PDE10A: variants seen among roughly 807,000 people sequenced by gnomAD.
PDE10A encodes phosphodiesterase 10A, also known as cAMP and cAMP-inhibited cGMP 3',5'-cyclic phosphodiesterase 10A.
A neutral mutation model predicts 97.7 loss-of-function variants in PDE10A; 39 were observed. The ratio of observed to expected loss-of-function variants is 0.40; its 90% confidence interval spans 0.31 to 0.52. PDE10A has a LOEUF of 0.52. Among genes scored for constraint, PDE10A ranks in the 20% least tolerant of loss-of-function variants. The probability of loss-of-function intolerance (pLI) is 0.56; values close to 1 mark genes in which losing one functional copy is unlikely to be tolerated. For missense variants in PDE10A, 731 were observed against 1,047.8 expected, an observed-to-expected ratio of 0.70 and a Z score of 4.17; for synonymous variants, 371 against 376.8, an observed-to-expected ratio of 0.98 and a Z score of 0.18.
At chr6:165,703,178 A>G (rs965262035) in intron 1 of PDE10A, among the ~76,000 whole-genome samples, 1 of 152,186 alleles carries the variant, frequency 6.6e-6, no homozygotes, top group Non-Finnish European at 1.5e-5. Flanking sequence ...ACAAATTGGT[A>G]ACAACTTTGT....
chr6:165,482,953 T>A (rs565045293), intron 2 of PDE10A, among the ~76,000 whole-genome samples: 3 of 152,136 alleles, frequency 2.0e-5, no homozygotes, highest in Non-Finnish European at 4.4e-5. Context: ...TAGGTGAGAA[T>A]CCCTGGAAGG....
chr6:165,821,231 G>A (rs1054488994), intron 1 of PDE10A, among the ~76,000 whole-genome samples: 4 of 152,170 alleles, frequency 2.6e-5, no homozygotes, highest in Non-Finnish European at 5.9e-5. Context: ...CAGAACTCCG[G>A]CTGATAGTGC....
At chr6:165,598,532 C>T (rs2983512) in intron 1 of PDE10A, among the ~76,000 whole-genome samples, 28,935 of 152,028 alleles carry the variant, frequency 0.19, 3,269 homozygotes, top group African/African-American at 0.31. Context: ...GTGGCCCCTG[C>T]TGTGTGACCT....
At chr6:165,921,839 C>T (rs1782760917) in intron 1 of PDE10A, among the ~76,000 whole-genome samples, 1 of 152,156 alleles carries the variant, frequency 6.6e-6, no homozygotes, top group Admixed American at 6.5e-5. Flanking sequence ...CTGGCTTTCC[C>T]TTTGAGAGAG....
chr6:165,691,062 ACT>A (rs796474446), intron 1 of PDE10A, among the ~76,000 whole-genome samples: 2 of 102,314 alleles, frequency 2.0e-5, no homozygotes, highest in Admixed American at 1.1e-4. Context: ...TTACAGTAAT[ACT>A]CTCTCTCTCT....
chr6:165,440,181 G>C (rs1028093227), intron 5 of PDE10A, among the ~76,000 whole-genome samples: 3 of 152,088 alleles, frequency 2.0e-5, no homozygotes, highest in East Asian at 1.9e-4. Context: ...CATTTACCTG[G>C]AACTTGATAT....
At chr6:165,573,255 A>G (rs1179767676) in intron 1 of PDE10A, among the ~76,000 whole-genome samples, 3 of 146,010 alleles carry the variant, frequency 2.1e-5, no homozygotes, top group Non-Finnish European at 3.0e-5. Context: ...ATTTGGCCGT[A>G]GAGCATGTTC....
At chr6:165,908,545 C>T (rs1025644570) in intron 1 of PDE10A, among the ~76,000 whole-genome samples, 1 of 152,194 alleles carries the variant, frequency 6.6e-6, no homozygotes, top group African/African-American at 2.4e-5. Flanking sequence ...GGGCCAGGAA[C>T]CTTGAATGCA....
intron 1 of PDE10A, among the ~76,000 whole-genome samples, chr6:165,924,872 A>T (rs1448074304): frequency 6.6e-6 from 1 of 152,208 alleles, no homozygotes; most frequent in Admixed American, 6.5e-5. Flanking sequence ...CAGTTCTTAG[A>T]TTGGACACCA....
chr6:165,794,785 G>A (rs1778786128), intron 1 of PDE10A, among the ~76,000 whole-genome samples: 1 of 152,156 alleles, frequency 6.6e-6, no homozygotes, highest in South Asian at 2.1e-4. Context: ...ACTTTAAAAG[G>A]CAGGTCTTAA....
chr6:165,608,074 GTATATA>G (rs1562625086), intron 1 of PDE10A, among the ~76,000 whole-genome samples: 1 of 136,266 alleles, frequency 7.3e-6, no homozygotes, highest in East Asian at 2.0e-4. Flanking sequence ...ATATATATAT[GTATATA>G]TGTATATATA....
chr6:165,705,628 T>G (rs1168961939), intron 1 of PDE10A, among the ~76,000 whole-genome samples: 2 of 152,208 alleles, frequency 1.3e-5, no homozygotes, highest in African/African-American at 2.4e-5. Context: ...AAATCAAGCT[T>G]CAGCTGGAAA....
chr6:165,334,385 G>A lies in PDE10A; in HGVS notation c.3066-1258C>T, dbSNP rs535630146. On this transcript the variant is annotated intron_variant, in intron 21 of 21. Transcript: ENST00000539869. ...CGCCTCCATAGCGCCCTACAGCGCC[G>A]GGCACGCGCCTCCATAGCGCCCTAC... Among the ~76,000 whole-genome samples, 32 of 148,496 alleles carry A rather than the reference G, an allele frequency of 2.2e-4. No homozygotes were observed. The South Asian group carries it at 4.1e-3, about 19-fold the overall frequency.
chr6:165,922,338 A>G (rs1782780313), intron 1 of PDE10A, among the ~76,000 whole-genome samples: 1 of 152,166 alleles, frequency 6.6e-6, no homozygotes, highest in African/African-American at 2.4e-5. Flanking sequence ...GGGCAGGGTC[A>G]CCCCATCAAA....
At chr6:165,855,200 C>G (rs915374356) in intron 1 of PDE10A, among the ~76,000 whole-genome samples, 9 of 151,420 alleles carry the variant, frequency 5.9e-5, no homozygotes, top group Non-Finnish European at 8.8e-5. Context: ...CCAGGTTCAC[C>G]GGGCAGCCCC....
intron 2 of PDE10A, among the ~76,000 whole-genome samples, chr6:165,501,982 T>C (rs770349786): frequency 2.6e-5 from 4 of 152,276 alleles, no homozygotes; most frequent in South Asian, 2.1e-4. Flanking sequence ...AATCTAGAAA[T>C]AGACATATGC....
At chr6:165,400,937 A>C (rs866045667) in intron 13 of PDE10A, among the ~76,000 whole-genome samples, 1 of 152,246 alleles carries the variant, frequency 6.6e-6, no homozygotes, top group Non-Finnish European at 1.5e-5. Flanking sequence ...AATTATGTTA[A>C]GTGAAAAAAG....
intron 2 of PDE10A, among the ~76,000 whole-genome samples, chr6:165,485,242 C>T (rs924803882): frequency 1.3e-5 from 2 of 151,974 alleles, no homozygotes; most frequent in African/African-American, 4.8e-5. Context: ...GAGGCCGAGG[C>T]GGATGGATCA....
chr6:165,486,607 C>T (rs1359946330), intron 2 of PDE10A, among the ~76,000 whole-genome samples: 1 of 152,178 alleles, frequency 6.6e-6, no homozygotes, highest in Admixed American at 6.5e-5. Flanking sequence ...TCGCACAGCT[C>T]TGTGAGGAGA....
Sources: gnomAD v4.1 joint callset for allele counts (sites outside exome capture counted in the v4.1 genomes callset) on GRCh38, gnomAD v4.1.1 for gene constraint, MANE v1.5 for transcripts, NCBI Gene and HGNC (gene_info 2026-07-23, HGNC 2026-07-21) for gene names.